The following WDR47 variants were observed in gnomAD, a reference collection of about 807,000 sequenced individuals.
WDR47 encodes the protein WD repeat domain 47, also known as WD repeat-containing protein 47.
Under a neutral mutation model 97.2 loss-of-function variants are expected in WDR47, and 32 were observed. That is an observed-to-expected ratio of 0.33 (90% CI 0.25 to 0.44). WDR47 has a LOEUF of 0.44. WDR47 is among the 20% of genes least tolerant of loss of function. The pLI, the probability that WDR47 is intolerant of heterozygous loss-of-function variation, is 1.00. For synonymous variants in WDR47, 375 were observed against 373.5 expected (o/e 1.00, Z -0.05); for missense variants, 782 against 1,102.3 (o/e 0.71, Z 4.11).
chr1:109,038,300 T>G (rs1383142358), intron 1 of WDR47, among the ~76,000 whole-genome samples: 1 of 152,182 alleles, frequency 6.6e-6, no homozygotes, highest in African/African-American at 2.4e-5. Flanking sequence ...TGCTAATGAA[T>G]TGCTGCGGGA....
chr1:109,038,082 T>C (rs1663087228), intron 1 of WDR47, among the ~76,000 whole-genome samples: 1 of 152,014 alleles, frequency 6.6e-6, no homozygotes, highest in African/African-American at 2.4e-5. Context: ...CAAGCAATCC[T>C]CCCACCTCAT....
intron 2 of WDR47, among the ~76,000 whole-genome samples, chr1:109,022,828 C>T (rs972145112): frequency 4.0e-5 from 6 of 151,876 alleles, no homozygotes; most frequent in African/African-American, 1.2e-4. Flanking sequence ...TCAAGTGATC[C>T]GCCTGCCTCA....
At chr1:108,984,164 ACTGCAGGCT>A (rs748569156) in intron 10 of WDR47, among the ~76,000 whole-genome samples, 2 of 152,190 alleles carry the variant, frequency 1.3e-5, no homozygotes, top group African/African-American at 2.4e-5. Context: ...TGGGTGAGGC[ACTGCAGGCT>A]CAGCTGTGGA....
At chr1:109,020,305 C>T (rs1355480271) in intron 2 of WDR47, among the ~76,000 whole-genome samples, 1 of 151,048 alleles carries the variant, frequency 6.6e-6, no homozygotes, top group Non-Finnish European at 1.5e-5. Context: ...GGCACGATCT[C>T]AGCTCACTGC....
In WDR47 at chr1:109,037,495, G is replaced by A. The variant is rs1482855292; in HGVS notation, c.-10+4367C>T. Among the ~76,000 whole-genome samples, 23 of 150,988 alleles carry A rather than the reference G, an allele frequency of 1.5e-4. 1 individual carries two copies. The highest frequency in any genetic ancestry group is 2.2e-4 in the Non-Finnish European group (15 of 67,778). ...TAAAAAATTAGCCGGGCTTGGTGGCGGGCGCCTGTAATCCCAGCTACTCAG... is the reference window on the plus strand; with the variant it reads ...TAAAAAATTAGCCGGGCTTGGTGGCAGGCGCCTGTAATCCCAGCTACTCAG... On this transcript the variant is annotated intron_variant, in intron 1 of 14. Coordinates refer to ENST00000369962, the MANE Select transcript of WDR47 (RefSeq NM_001142551.2).
At chr1:109,002,194 C>T (rs1224526333) in intron 7 of WDR47, 30 bp downstream of exon 7, 1 of 1,516,232 alleles carries the variant, frequency 6.6e-7, no homozygotes, top group Non-Finnish European at 8.8e-7. Context: ...CAAATAACTC[C>T]ATATTTTAAA....
chr1:108,992,910 G>T, intron 8 of WDR47: 1 of 1,027,670 alleles, frequency 9.7e-7, no homozygotes, highest in Admixed American at 2.2e-5. Context: ...TGAGGAAATT[G>T]CTAAATAATA....
chr1:108,981,501 C>T (rs1048031047), intron 13 of WDR47, among the ~76,000 whole-genome samples: 3 of 152,130 alleles, frequency 2.0e-5, no homozygotes, highest in Admixed American at 6.5e-5. Context: ...TGCTAACAGA[C>T]AATCTGGGAC....
chr1:109,004,728 ACGTGC>A lies in WDR47; in HGVS notation c.1131-18_1131-14del. On this transcript the variant is annotated splice_polypyrimidine_tract_variant and intron_variant, in intron 5 of 14. Coordinates refer to ENST00000369962, the MANE Select transcript of WDR47 (RefSeq NM_001142551.2). ...AACAGGTGTATCACTTCTTCCAGAA[ACGTGC>A]AAAAAAACAAAAAGGCAGAGGGGGG... The A allele has an allele frequency of 1.3e-6, 2 of 1,574,520 alleles. No individual in the cohort carries two copies. Among genetic ancestry groups the A allele is most frequent in the African/African-American group, 1.4e-5 (1 of 73,176 alleles).
intron 6 of WDR47, among the ~76,000 whole-genome samples, chr1:109,003,806 A>G (rs1167316578): frequency 1.3e-5 from 2 of 152,160 alleles, no homozygotes; most frequent in African/African-American, 4.8e-5. Flanking sequence ...TATCCAGCCT[A>G]TATAAAACTT....
At chr1:109,006,303 G>C (rs1282695374) in intron 5 of WDR47, among the ~76,000 whole-genome samples, 1 of 152,154 alleles carries the variant, frequency 6.6e-6, no homozygotes, top group Non-Finnish European at 1.5e-5. Flanking sequence ...TGAGGCAGGA[G>C]AATCACTTGA....
Position 109,017,575 on chromosome 1 carries a change from T to C in WDR47, c.185A>G (p.Asp62Gly), listed in dbSNP as rs778083607. The change falls in exon 3 of 15, where the codon GAT becomes GGT. Residue 62 changes from aspartate to glycine, a missense_variant. Asp to Gly is a moderately conservative substitution (Grantham distance 94). Coordinates refer to ENST00000369962, the MANE Select transcript of WDR47 (RefSeq NM_001142551.2). ...LRQLILDGQW[D>G]EVLQFIQPLE... ...AGGCTGAATGAACTGAAGAACTTCATCCCATTGACCATCAAGTATTAGCTG... is the reference window on the plus strand; with the variant it reads ...AGGCTGAATGAACTGAAGAACTTCACCCCATTGACCATCAAGTATTAGCTG... The C allele has an allele frequency of 6.2e-7, 1 of 1,612,350 alleles. No homozygotes were observed. The highest frequency in any genetic ancestry group is 8.5e-7 in the Non-Finnish European group (1 of 1,179,696).
chr1:109,030,297 C>T, intron 1 of WDR47: 3 of 1,365,812 alleles, frequency 2.2e-6, no homozygotes, highest in Non-Finnish European at 2.0e-6. Context: ...GAAGGATGTT[C>T]CTTCAGGAAG....
chr1:108,993,157 T>A (rs1659488924), intron 8 of WDR47, among the ~76,000 whole-genome samples: 1 of 152,088 alleles, frequency 6.6e-6, no homozygotes. Context: ...AAACTCCATC[T>A]CTACTAAAAA....
intron 5 of WDR47, among the ~76,000 whole-genome samples, chr1:109,008,218 A>G (rs1041659541): frequency 1.3e-5 from 2 of 152,108 alleles, no homozygotes; most frequent in Admixed American, 1.3e-4. Flanking sequence ...TCTCTCCTCT[A>G]TAATCTCAGA....
chr1:109,010,017 A>C lies in WDR47; in HGVS notation c.1130+899T>G, dbSNP rs1376704939. The stretch of plus-strand genomic sequence containing the variant: ...CCATCTCAAAAAAAAACAAAAAAAC[A>C]AAAAAACATACTCATAGAAAAAAAG... On this transcript the variant is annotated intron_variant, in intron 5 of 14. Transcript: ENST00000369962. 2.6e-4 allele frequency among the ~76,000 whole-genome samples: 40 copies of C among 151,960 alleles called. 1 individual carries two copies. Among genetic ancestry groups the C allele is most frequent in the Admixed American group, 2.6e-3 (40 of 15,236 alleles).
intron 2 of WDR47, among the ~76,000 whole-genome samples, chr1:109,022,624 G>A (rs1313681310): frequency 3.9e-5 from 6 of 152,010 alleles, no homozygotes; most frequent in Admixed American, 1.3e-4. Context: ...TCACTCTGCT[G>A]CCCAGGCTGG....
intron 4 of WDR47, among the ~76,000 whole-genome samples, chr1:109,013,451 A>G (rs995242541): frequency 3.3e-5 from 5 of 151,562 alleles, no homozygotes; most frequent in Admixed American, 3.3e-4. Flanking sequence ...CATTTCAGCA[A>G]AAAAAAAACT....
chr1:108,972,856 A>G lies in WDR47; in HGVS notation c.2618-1284T>C, dbSNP rs536358124. Among the ~76,000 whole-genome samples, 855 of 151,604 alleles carry G rather than the reference A, an allele frequency of 5.6e-3. 5 individuals carry two copies. The highest frequency in any genetic ancestry group is 0.024 in the Middle Eastern group (7 of 294). ...CAGCTACTTGGGAGGCTGAGGCAGG[A>G]GAATGGCATGAACTGGGAGGTGGAG... On this transcript the variant is annotated intron_variant, in intron 14 of 14. Transcript: ENST00000369962.
Sources: gnomAD v4.1 joint callset for allele counts (sites outside exome capture counted in the v4.1 genomes callset) on GRCh38, gnomAD v4.1.1 for gene constraint, MANE v1.5 for transcripts, NCBI Gene and HGNC (gene_info 2026-07-23, HGNC 2026-07-21) for gene names.